The following GALNT9 variants were observed in gnomAD, a reference collection of about 807,000 sequenced individuals.
The protein encoded by GALNT9 is GalNAc transferase 9.
A neutral mutation model predicts 63.1 loss-of-function variants in GALNT9; 47 were observed. The ratio of observed to expected loss-of-function variants is 0.75; its 90% confidence interval spans 0.59 to 0.95. The LOEUF is 0.95. Ranked by LOEUF, GALNT9 falls within the 40% of genes least tolerant of loss-of-function variation. The probability of loss-of-function intolerance (pLI) is 0.00; values close to 1 mark genes in which losing one functional copy is unlikely to be tolerated. For synonymous variants in GALNT9, 396 were observed against 365.7 expected (o/e 1.08, Z -0.94); for missense variants, 829 against 874.8 (o/e 0.95, Z 0.66).
chr12:132,240,819 A>G (rs111837594), intron 6 of GALNT9: 56,651 of 373,830 alleles, frequency 0.15, 5,322 homozygotes, highest in African/African-American at 0.38. Flanking sequence ...ACCCTTCCCA[A>G]GGCCGTCCCT....
intron 6 of GALNT9, among the ~76,000 whole-genome samples, chr12:132,210,633 C>T (rs1238146310): frequency 6.6e-6 from 1 of 152,172 alleles, no homozygotes; most frequent in Non-Finnish European, 1.5e-5. Flanking sequence ...AGGCCCGAGC[C>T]CCGTCCTCCT....
chr12:132,244,823 T>G, intron 6 of GALNT9, among the ~76,000 whole-genome samples: 1 of 125,454 alleles, frequency 8.0e-6, no homozygotes, highest in African/African-American at 3.2e-5. Context: ...GTGATGGAGT[T>G]GGACGGGGGC....
chr12:132,284,314 A>G (rs28495025), intron 2 of GALNT9: 56,218 of 151,658 alleles, frequency 0.37, 12,049 homozygotes, highest in Non-Finnish European at 0.49. Flanking sequence ...GCGCGCACGC[A>G]CACACACACA....
At position 132,316,917 on chromosome 12, in the gene GALNT9, G is replaced by A. The variant is rs1321352636; in HGVS notation, c.238+12049C>T. On this transcript the variant is annotated intron_variant, in intron 1 of 10. Coordinates refer to ENST00000328957, the MANE Select transcript of GALNT9 (RefSeq NM_001122636.2). This position sits in a 1 kb window ranked among gnomAD's most constrained non-coding sequence, Gnocchi z 4.3. ...TGGCCCCCATTCTACACCCCACAGA[G>A]CACAGCCTGCATCCTACACCCCACA... 6.6e-6 allele frequency among the ~76,000 whole-genome samples: 1 copy of A among 151,404 alleles called. No homozygotes were observed. Among genetic ancestry groups the A allele is most frequent in the African/African-American group, 2.4e-5 (1 of 41,076 alleles).
At chr12:132,200,906 C>T (rs1302868558) in intron 8 of GALNT9, 2 of 562,368 alleles carry the variant, frequency 3.6e-6, no homozygotes, top group Non-Finnish European at 6.3e-6. Context: ...GAACCTGCAC[C>T]TTGTGTGTGC....
chr12:132,225,683 C>T (rs1252032374), intron 6 of GALNT9, among the ~76,000 whole-genome samples: 19 of 145,346 alleles, frequency 1.3e-4, no homozygotes, highest in Admixed American at 9.6e-4. Flanking sequence ...ACACACTGTA[C>T]GTACACACCC....
rs1450201402 is a variant in GALNT9 at position 132,199,128 on chromosome 12, G to C, written c.1497+46C>G. The C allele has an allele frequency of 3.0e-6, 4 of 1,314,636 alleles. No homozygotes were observed. In the African/African-American group the frequency reaches 5.8e-5, roughly 19 times the overall value. The allele number at this position is 1,314,636 out of a possible 1,614,324, so 81.4% of individuals were successfully genotyped here. ...CAGGGTGTAGGGTCCGGGTGGCCTG[G>C]GGTCGTCCCCTTGGGAGCTGCATGG... On this transcript the variant is annotated intron_variant, in intron 9 of 10. Coordinates refer to ENST00000328957, the MANE Select transcript of GALNT9 (RefSeq NM_001122636.2).
chr12:132,257,916 G>A (rs1555239297), intron 4 of GALNT9, 30 bp from the exon 5 acceptor site: 2 of 1,437,160 alleles, frequency 1.4e-6, no homozygotes, highest in Admixed American at 2.0e-5. Context: ...AGGAGGGGCG[G>A]CCCCAGCCCA....
Position 132,321,373 on chromosome 12 carries a change from T to G in GALNT9, c.238+7593A>C, listed in dbSNP as rs115297657. ...GGGTCCTGGCAGATCCGAGTGAAACTGAAAATGTGCTTCAAGCAGCTAGTG... is the reference window on the plus strand; with the variant it reads ...GGGTCCTGGCAGATCCGAGTGAAACGGAAAATGTGCTTCAAGCAGCTAGTG... On this transcript the variant is annotated intron_variant, in intron 1 of 10. Transcript: ENST00000328957. Among the ~76,000 whole-genome samples the G allele has an allele frequency of 9.0e-3, 1,371 of 152,076 alleles. 22 individuals are homozygous for G. The highest frequency in any genetic ancestry group is 0.032 in the African/African-American group (1,308 of 41,476).
intron 2 of GALNT9, among the ~76,000 whole-genome samples, chr12:132,264,083 C>T (rs191805849): frequency 1.5e-3 from 224 of 152,354 alleles, no homozygotes; most frequent in Non-Finnish European, 2.5e-3. Flanking sequence ...TTCTCAATGA[C>T]CTCTCATTTG....
At chr12:132,297,480 C>A (rs1881118070) in intron 1 of GALNT9, among the ~76,000 whole-genome samples, 1 of 151,282 alleles carries the variant, frequency 6.6e-6, no homozygotes. Flanking sequence ...GACCAAGTCA[C>A]TCCTGAGATG....
intron 2 of GALNT9, among the ~76,000 whole-genome samples, chr12:132,269,183 G>A (rs782785706): frequency 6.6e-6 from 1 of 151,194 alleles, no homozygotes; most frequent in Non-Finnish European, 1.5e-5. Flanking sequence ...CGGCCTCAGC[G>A]CTGAGGCAGG....
chr12:132,230,435 C>A (rs1463284853), intron 6 of GALNT9, among the ~76,000 whole-genome samples: 1 of 152,242 alleles, frequency 6.6e-6, no homozygotes, highest in African/African-American at 2.4e-5. Context: ...GGTCTACGGG[C>A]ACCTGGCGTT....
intron 5 of GALNT9, among the ~76,000 whole-genome samples, chr12:132,248,378 G>A (rs1035923733): frequency 1.3e-5 from 2 of 152,240 alleles, no homozygotes; most frequent in Non-Finnish European, 1.5e-5. Context: ...GGAGGCTGAG[G>A]CAGGAGGATC....
Position 132,201,121 on chromosome 12 carries a change from TAC to T in GALNT9, c.1401+1_1401+2del. On this transcript the variant is annotated splice_donor_variant, in intron 8 of 10. Transcript: ENST00000328957. LOFTEE classifies it high-confidence loss of function. ...CGAACGGGGCCCTCGGGGGAGGTGC[TAC>T]CTCTCCGTACGTGAGGGTGTTGTTG... is the stretch of plus-strand genomic sequence containing the variant. 5.6e-6 allele frequency: 9 copies of T among 1,612,492 alleles called. No homozygotes were observed. Among genetic ancestry groups the T allele is most frequent in the Non-Finnish European group, 7.6e-6 (9 of 1,179,210 alleles).
At chr12:132,203,184 C>T (rs919011335) in intron 7 of GALNT9, among the ~76,000 whole-genome samples, 4 of 152,302 alleles carry the variant, frequency 2.6e-5, no homozygotes, top group Admixed American at 6.5e-5. Flanking sequence ...CTGGCTGAGG[C>T]GGCGGCACCA....
chr12:132,219,849 G>A (rs1029850811), intron 6 of GALNT9, among the ~76,000 whole-genome samples: 1 of 149,362 alleles, frequency 6.7e-6, no homozygotes, highest in Non-Finnish European at 1.5e-5. Flanking sequence ...CCTCCCCAGG[G>A]TGACACCCGC....
At chr12:132,203,840 C>A in intron 6 of GALNT9, 150 bp from the exon 7 acceptor site, 1 of 784,610 alleles carries the variant, frequency 1.3e-6, no homozygotes, top group South Asian at 1.7e-5. Context: ...CGGGGCTTTG[C>A]CTCTCGGGGG....
chr12:132,200,700 G>T, intron 8 of GALNT9: 1 of 164,720 alleles, frequency 6.1e-6, no homozygotes, highest in Non-Finnish European at 1.3e-5. Context: ...TTACGTACCT[G>T]CCTGTGAATG....
Sources: gnomAD v4.1 joint callset for allele counts (sites outside exome capture counted in the v4.1 genomes callset) on GRCh38, gnomAD v4.1.1 for gene constraint, Gnocchi (gnomAD v3.1) non-coding constraint, MANE v1.5 for transcripts, NCBI Gene and HGNC (gene_info 2026-07-23, HGNC 2026-07-21) for gene names.